Variants in GPHN observed in about 807,000 individuals in gnomAD.
GPHN encodes gephyrin.
Under a neutral mutation model 95.5 loss-of-function variants are expected in GPHN, and 17 were observed. The observed-to-expected ratio is 0.18, with a 90% CI of 0.12 to 0.27. The LOEUF (loss-of-function observed/expected upper bound fraction) is 0.27. Ranked by LOEUF, GPHN falls within the 10% of genes least tolerant of loss-of-function variation. The probability of loss-of-function intolerance (pLI) is 1.00; values close to 1 mark genes in which losing one functional copy is unlikely to be tolerated. For missense variants in GPHN, 660 were observed against 978.1 expected (o/e 0.67, Z 4.34); for synonymous variants, 320 against 322.5 (o/e 0.99, Z 0.08).
chr14:67,378,047 T>C, the GPHN span, among the ~76,000 whole-genome samples: 2 of 151,960 alleles, frequency 1.3e-5, no homozygotes, highest in Admixed American at 6.6e-5. Flanking sequence ...GTCCAGTGGT[T>C]TGAGGTTTCT....
chr14:66,525,568 A>G (rs947771195), intron 1 of GPHN, among the ~76,000 whole-genome samples: 1 of 152,178 alleles, frequency 6.6e-6, no homozygotes, highest in African/African-American at 2.4e-5. Context: ...GTCTTTGCCC[A>G]TGCCTATGTC....
At chr14:67,572,811 T>G in the GPHN span, among the ~76,000 whole-genome samples, 1 of 152,176 alleles carries the variant, frequency 6.6e-6, no homozygotes, top group Non-Finnish European at 1.5e-5. Flanking sequence ...ATCATCTCCC[T>G]GGCTCCATGA....
Position 67,121,066 on chromosome 14 carries a change from TG to T in GPHN, c.1627-1188del, listed in dbSNP as rs200466156. ...GAATTCATATAATAAGCTCTGGTGT[TG>T]GCCATATTAGTAGCTAAAACATCTT... is the stretch of plus-strand genomic sequence containing the variant. On this transcript the variant is annotated intron_variant, in intron 16 of 22. Transcript: ENST00000478722. 3.3e-4 allele frequency among the ~76,000 whole-genome samples: 50 copies of T among 152,330 alleles called. No individual in the cohort carries two copies. In the East Asian group the frequency reaches 7.9e-3, roughly 24 times the overall value.
chr14:66,577,031 A>C (rs962968430), intron 1 of GPHN, among the ~76,000 whole-genome samples: 2 of 152,160 alleles, frequency 1.3e-5, no homozygotes, highest in Admixed American at 1.3e-4. Flanking sequence ...TTATAACTGA[A>C]AAAAATAGTC....
chr14:67,125,124 T>A (rs185571692), intron 17 of GPHN, among the ~76,000 whole-genome samples: 1,841 of 149,202 alleles, frequency 0.012, 19 homozygotes, highest in Non-Finnish European at 0.018. Flanking sequence ...GAGAACAATT[T>A]AAAAAAAAAA....
At chr14:67,361,237 C>A in the GPHN span, among the ~76,000 whole-genome samples, 2 of 152,146 alleles carry the variant, frequency 1.3e-5, no homozygotes, top group Non-Finnish European at 2.9e-5. Flanking sequence ...AACATGGTTT[C>A]TTCGAGAAAA....
chr14:67,364,738 C>G, the GPHN span: 35 of 1,586,866 alleles, frequency 2.2e-5, 1 homozygote, highest in South Asian at 3.4e-4. Context: ...TAACTGAATA[C>G]TTACTTAATT....
chr14:66,915,084 A>G (rs1012555700), intron 5 of GPHN, among the ~76,000 whole-genome samples: 7 of 152,136 alleles, frequency 4.6e-5, no homozygotes, highest in African/African-American at 1.2e-4. Context: ...ATAAATGGCA[A>G]TCTTCTCTTT....
Position 66,576,955 on chromosome 14 carries a change from T to G in GPHN, c.64+68364T>G, listed in dbSNP as rs375873490. 9.2e-5 allele frequency among the ~76,000 whole-genome samples: 14 copies of G among 152,334 alleles called. No homozygotes were observed. The East Asian group carries it at 2.7e-3, about 29-fold the overall frequency. ...GGGTCATGAATTGCCATGTTTTCCT[T>G]TTCTTAAATCAATGTCTGTGTCATT... On this transcript the variant is annotated intron_variant, in intron 1 of 22. Transcript: ENST00000478722.
the GPHN span, among the ~76,000 whole-genome samples, chr14:67,604,910 G>C: frequency 1.3e-5 from 2 of 151,964 alleles, no homozygotes; most frequent in African/African-American, 4.8e-5. Context: ...TTGTAAATAG[G>C]TGACCACAAA....
the GPHN span, among the ~76,000 whole-genome samples, chr14:67,427,997 C>G: frequency 1.3e-5 from 2 of 151,778 alleles, no homozygotes; most frequent in Admixed American, 6.6e-5. Context: ...TTCTGGCTCA[C>G]TGCAACCTCT....
the GPHN span, among the ~76,000 whole-genome samples, chr14:67,206,123 G>A: frequency 1.3e-5 from 2 of 152,168 alleles, no homozygotes; most frequent in Admixed American, 1.3e-4. Context: ...GGCAGAAGGT[G>A]CAGTGAGCCG....
chr14:66,557,237 G>GTAGATAGATAGATAGA (rs201752462), intron 1 of GPHN, among the ~76,000 whole-genome samples: 42 of 142,006 alleles, frequency 3.0e-4, no homozygotes, highest in Middle Eastern at 3.6e-3. Context: ...ACATAGGTAG[G>GTAGATAGATAGATAGA]TAGATAGATA....
the GPHN span, among the ~76,000 whole-genome samples, chr14:67,682,280 T>TAA: frequency 3.0e-4 from 46 of 152,294 alleles, 1 homozygote; most frequent in African/African-American, 1.1e-3. Context: ...CATCAAAATT[T>TAA]AAGTTTTACA....
the GPHN span, chr14:67,695,732 G>A: frequency 1.9e-6 from 3 of 1,609,682 alleles, no homozygotes; most frequent in Non-Finnish European, 2.6e-6. Context: ...CACCAGAGCG[G>A]GATGCTCCAG....
intron 2 of GPHN, among the ~76,000 whole-genome samples, chr14:66,708,589 A>T (rs1001382072): frequency 1.3e-5 from 2 of 152,192 alleles, no homozygotes; most frequent in African/African-American, 4.8e-5. Context: ...TAAGCATTTC[A>T]GTATTTAACA....
chr14:66,770,958 C>A (rs889788214), intron 2 of GPHN, among the ~76,000 whole-genome samples: 2 of 152,022 alleles, frequency 1.3e-5, no homozygotes, highest in African/African-American at 2.4e-5. Flanking sequence ...GATCTTGGAA[C>A]ATATCCCGTA....
the GPHN span, chr14:67,332,745 G>A: frequency 6.3e-7 from 1 of 1,578,322 alleles, no homozygotes; most frequent in Non-Finnish European, 8.6e-7. Context: ...GGTTAGGAAA[G>A]GAATTATCTC....
intron 10 of GPHN, among the ~76,000 whole-genome samples, chr14:67,049,539 A>G (rs897464894): frequency 7.0e-6 from 1 of 142,122 alleles, no homozygotes; most frequent in African/African-American, 2.7e-5. Flanking sequence ...TTTGAGACAG[A>G]GTCTCGCTCT....
Sources: gnomAD v4.1 joint callset for allele counts (sites outside exome capture counted in the v4.1 genomes callset) on GRCh38, gnomAD v4.1.1 for gene constraint, MANE v1.5 for transcripts, NCBI Gene and HGNC (gene_info 2026-07-23, HGNC 2026-07-21) for gene names.